IFIH1: variants seen among roughly 807,000 people sequenced by gnomAD.
The protein encoded by IFIH1 is interferon induced with helicase C domain 1.
Under a neutral mutation model 107.4 loss-of-function variants are expected in IFIH1, and 125 were observed. The observed-to-expected ratio is 1.16, with a 90% CI of 1.01 to 1.35. The LOEUF (loss-of-function observed/expected upper bound fraction) is 1.35. Among genes scored for constraint, IFIH1 ranks in the 40% most tolerant of loss-of-function variants. The pLI is 0.00. For missense variants in IFIH1, 1,333 were observed against 1,213.7 expected (o/e 1.10, Z -1.46); for synonymous variants, 458 against 413.2 (o/e 1.11, Z -1.31).
intron 10 of IFIH1, among the ~76,000 whole-genome samples, 198 bp from the exon 11 acceptor site, chr2:162,277,144 C>T (rs1303685343): frequency 1.3e-5 from 2 of 152,122 alleles, no homozygotes; most frequent in Admixed American, 1.3e-4. Context: ...AATTGTGGCT[C>T]ATCTACAATC....
In IFIH1 at chr2:162,282,523, T is replaced by A; in HGVS notation, c.1149A>T (p.Lys383Asn). 1 of 1,611,802 alleles carries A rather than the reference T, an allele frequency of 6.2e-7. No homozygotes were observed. Among genetic ancestry groups the A allele is most frequent in the Non-Finnish European group, 8.5e-7 (1 of 1,178,750 alleles). Residue 383 changes from lysine to asparagine, a missense_variant, in exon 6 of 16, where the codon AAA becomes AAT. Coordinates refer to ENST00000649979, the MANE Select transcript of IFIH1 (RefSeq NM_022168.4). ...CACTTAATCCAATAACACGATACCA[T>A]TTCTTCAAAAATGGTTGGAACTCCT... is the stretch of plus-strand genomic sequence containing the variant. ...FRKEFQPFLK[K>N]WYRVIGLSGD...
chr2:162,292,773 C>T (rs1352415206), intron 4 of IFIH1, among the ~76,000 whole-genome samples: 2 of 151,776 alleles, frequency 1.3e-5, no homozygotes, highest in African/African-American at 2.4e-5. Context: ...TTGTGAAATA[C>T]TTCAAACAGG....
intron 3 of IFIH1, among the ~76,000 whole-genome samples, chr2:162,305,683 T>C (rs1267730901): frequency 6.6e-6 from 1 of 152,260 alleles, no homozygotes; most frequent in Non-Finnish European, 1.5e-5. Flanking sequence ...TGGTAACTTT[T>C]CAGGAATTTT....
At position 162,272,228 on chromosome 2, in the gene IFIH1, T is replaced by G. The variant is rs774408685; in HGVS notation, c.2614A>C (p.Lys872Gln). Residue 872 changes from lysine (K) to glutamine (Q), a missense_variant and splice_region_variant, in exon 13 of 16, where the codon AAG becomes CAG. Coordinates refer to ENST00000649979, the MANE Select transcript of IFIH1 (RefSeq NM_022168.4). ...QNMKPEEYAH[K>Q]ILELQMQSIM... ...AATTCAGAGGTGACCAACAATACCTTATGAGCATACTCCTCTGGTTTCATA... is the reference window on the plus strand; with the variant it reads ...AATTCAGAGGTGACCAACAATACCTGATGAGCATACTCCTCTGGTTTCATA... The G allele has an allele frequency of 5.0e-6, 8 of 1,610,348 alleles. No individual in the cohort carries two copies. The Admixed American group carries it at 1.2e-4, about 24-fold the overall frequency.
At chr2:162,311,938 T>G (rs763887347) in intron 1 of IFIH1, among the ~76,000 whole-genome samples, 1 of 152,148 alleles carries the variant, frequency 6.6e-6, no homozygotes, top group African/African-American at 2.4e-5. Flanking sequence ...CCCTAAAAGA[T>G]TATGATTTAT....
At position 162,293,582 on chromosome 2, in the gene IFIH1, T is replaced by C. The variant is rs770881875; in HGVS notation, c.856A>G (p.Thr286Ala). The C allele has an allele frequency of 6.2e-7, 1 of 1,609,776 alleles. No homozygotes were observed. The highest frequency in any genetic ancestry group is 8.5e-7 in the Non-Finnish European group (1 of 1,176,718). ...HNSNMGSDSG[T>A]MGSDSDEENV... ...GCAGTACCTGAATCACTTCCCATGG[T>C]GCCTGAATCACTGCCCATGTTGCTG... Residue 286 changes from threonine (T) to alanine (A), a missense_variant, in exon 4 of 16, where the codon ACC (threonine) becomes GCC (alanine). Coordinates refer to ENST00000649979, the MANE Select transcript of IFIH1 (RefSeq NM_022168.4).
chr2:162,293,902 A>G (rs1683043006), intron 3 of IFIH1, among the ~76,000 whole-genome samples: 1 of 151,928 alleles, frequency 6.6e-6, no homozygotes, highest in Admixed American at 6.6e-5. Flanking sequence ...TTAAAGTACT[A>G]CACATCCAGT....
At chr2:162,278,647 G>A (rs1001811239) in intron 8 of IFIH1, among the ~76,000 whole-genome samples, 13 of 152,086 alleles carry the variant, frequency 8.5e-5, no homozygotes, top group African/African-American at 3.1e-4. Context: ...TTGCATTAAT[G>A]CCACAATTAT....
chr2:162,295,112 G>A (rs914386158), intron 3 of IFIH1, among the ~76,000 whole-genome samples: 4 of 151,982 alleles, frequency 2.6e-5, no homozygotes, highest in East Asian at 1.9e-4. Context: ...ATACAGTTAC[G>A]CAACTACCAT....
chr2:162,287,314 G>GA lies in IFIH1; in HGVS notation c.1095+820dup, dbSNP rs1288747541. Among the ~76,000 whole-genome samples the GA allele has an allele frequency of 3.3e-5, 5 of 151,532 alleles. No homozygotes were observed. The East Asian group carries it at 7.8e-4, about 24-fold the overall frequency. ...TTTTATAAAGGAATAGATAAGAACAGAAAAAAGACTTTCTGATCAAGGAAA... is the reference window on the plus strand; with the variant it reads ...TTTTATAAAGGAATAGATAAGAACAGAAAAAAAGACTTTCTGATCAAGGAAA... On this transcript the variant is annotated intron_variant, in intron 5 of 15. Transcript: ENST00000649979.
intron 5 of IFIH1, among the ~76,000 whole-genome samples, chr2:162,283,780 T>C (rs1016987265): frequency 1.3e-5 from 2 of 151,896 alleles, no homozygotes; most frequent in African/African-American, 4.8e-5. Flanking sequence ...ACTTTATTAT[T>C]TAGTGGAAAT....
chr2:162,311,101 G>A (rs79141892), intron 1 of IFIH1, among the ~76,000 whole-genome samples, 168 bp from the exon 2 acceptor site: 300 of 151,000 alleles, frequency 2.0e-3, no homozygotes, highest in Non-Finnish European at 2.8e-3. Flanking sequence ...TCTGAAGTCG[G>A]CAGGGAAAAA....
At chr2:162,291,505 A>G (rs936477426) in intron 4 of IFIH1, among the ~76,000 whole-genome samples, 7 of 151,776 alleles carry the variant, frequency 4.6e-5, no homozygotes, top group Admixed American at 2.6e-4. Context: ...CAGAAAAAAA[A>G]AAGCCTCTCA....
intron 13 of IFIH1, among the ~76,000 whole-genome samples, chr2:162,272,011 T>G (rs1691049555): frequency 6.6e-6 from 1 of 152,198 alleles, no homozygotes. Context: ...AATTTATGGT[T>G]GGTTTTACTG....
chr2:162,292,962 G>T lies in IFIH1; in HGVS notation c.874+602C>A, dbSNP rs190704873. Among the ~76,000 whole-genome samples the T allele has an allele frequency of 3.4e-3, 509 of 151,928 alleles. 1 individual carries two copies. Among genetic ancestry groups the T allele is most frequent in the African/African-American group, 0.012 (486 of 41,516 alleles). On this transcript the variant is annotated intron_variant, in intron 4 of 15. Transcript: ENST00000649979. ...ACTGATAACAGGAAGTAATAATTAA[G>T]GTGTGGGGAATTAGGAAGAGGCACT...
At chr2:162,313,039 G>A (rs1039860959) in intron 1 of IFIH1, among the ~76,000 whole-genome samples, 4 of 152,070 alleles carry the variant, frequency 2.6e-5, no homozygotes, top group Non-Finnish European at 5.9e-5. Context: ...CCGTTATTGA[G>A]TCCAAGCATA....
intron 12 of IFIH1, among the ~76,000 whole-genome samples, chr2:162,272,796 T>C (rs1189301050): frequency 6.6e-6 from 1 of 152,122 alleles, no homozygotes; most frequent in Non-Finnish European, 1.5e-5. Flanking sequence ...CTAGGGCTGG[T>C]GAGAAGGCAG....
rs3747517 is a variant in IFIH1 at position 162,272,314 on chromosome 2, T to C, written c.2528A>G (p.His843Arg). ...VAHSGSGVIE[H>R]ETVNDFREKM... ...CTCTCGGAAATCATTAACTGTCTCA[T>C]GTTCGATAACTCCTGAACCACTGTG... The change falls in exon 13 of 16, where the codon CAT becomes CGT. Residue 843 changes from histidine to arginine, a missense_variant. Physicochemically the swap from His to Arg is conservative, Grantham distance 29. Transcript: ENST00000649979. 1,127,193 of 1,612,150 alleles carry C rather than the reference T, an allele frequency of 0.7. 399,290 individuals are homozygous for C. Among genetic ancestry groups the C allele is most frequent in the Admixed American group, 0.8 (48,080 of 59,826 alleles).
intron 3 of IFIH1, 139 bp from the exon 4 acceptor site, chr2:162,293,807 G>C: frequency 1.8e-6 from 1 of 550,564 alleles, no homozygotes; most frequent in Admixed American, 3.4e-5. Context: ...TGAATAAAAG[G>C]TAAGCGCTTC....
Sources: allele counts gnomAD v4.1 joint callset (sites outside exome capture counted in the v4.1 genomes callset), GRCh38; gene constraint gnomAD v4.1.1; transcripts MANE v1.5; gene names NCBI Gene and HGNC (gene_info 2026-07-23, HGNC 2026-07-21).